Variants in SPTLC1 observed in about 807,000 individuals in gnomAD.
SPTLC1 encodes the protein serine palmitoyltransferase 1.
In SPTLC1, 55 loss-of-function variants were observed where a neutral mutation model predicts 68.9. The observed-to-expected ratio is 0.80, with a 90% CI of 0.64 to 1.00. The LOEUF (loss-of-function observed/expected upper bound fraction) is 1.00, where lower values mean the gene tolerates loss of function less well. Ranked by LOEUF, SPTLC1 falls within the 50% of genes least tolerant of loss-of-function variation. The pLI is 0.00. For missense variants in SPTLC1, 449 were observed against 573.1 expected (o/e 0.78, Z 2.21); for synonymous variants, 197 against 201.6 (o/e 0.98, Z 0.19).
intron 4 of SPTLC1, among the ~76,000 whole-genome samples, chr9:92,080,499 G>C (rs1383183269): frequency 6.6e-6 from 1 of 152,146 alleles, no homozygotes; most frequent in African/African-American, 2.4e-5. Flanking sequence ...CAGACAAAAA[G>C]TAATGGGAAA....
chr9:92,039,336 C>G (rs977785217), intron 12 of SPTLC1, among the ~76,000 whole-genome samples: 1 of 152,044 alleles, frequency 6.6e-6, no homozygotes, highest in Admixed American at 6.6e-5. Context: ...TCTTTAGGGG[C>G]CAAATCCTGT....
At chr9:92,059,458 T>C (rs1834011596) in intron 6 of SPTLC1, 150 bp from the exon 7 acceptor site, 1 of 818,630 alleles carries the variant, frequency 1.2e-6, no homozygotes, top group South Asian at 1.5e-5. Context: ...TTATACATCA[T>C]TGTTTGCTCT....
At chr9:92,040,231 G>A (rs1023376546) in intron 12 of SPTLC1, among the ~76,000 whole-genome samples, 5 of 151,906 alleles carry the variant, frequency 3.3e-5, no homozygotes, top group Non-Finnish European at 7.4e-5. Flanking sequence ...TTAGCCAGGT[G>A]TGGTGGTGGA....
chr9:92,084,544 T>C (rs1271102182), intron 3 of SPTLC1, among the ~76,000 whole-genome samples: 3 of 152,182 alleles, frequency 2.0e-5, no homozygotes, highest in Admixed American at 2.0e-4. Context: ...GGATTACATT[T>C]ATTGATTTGC....
At chr9:92,053,200 G>T (rs999020129) in intron 8 of SPTLC1, among the ~76,000 whole-genome samples, 1 of 151,564 alleles carries the variant, frequency 6.6e-6, no homozygotes, top group African/African-American at 2.4e-5. Context: ...AAACCACAGT[G>T]AGATACTACC....
At chr9:92,051,937 T>C (rs7022553) in intron 8 of SPTLC1, among the ~76,000 whole-genome samples, 13,599 of 152,122 alleles carry the variant, frequency 0.089, 1,088 homozygotes, top group East Asian at 0.27. Context: ...TCACAAAACA[T>C]TGCTGAAGGA....
intron 3 of SPTLC1, among the ~76,000 whole-genome samples, chr9:92,085,721 G>A (rs1186829313): frequency 6.6e-6 from 1 of 152,086 alleles, no homozygotes; most frequent in Non-Finnish European, 1.5e-5. Context: ...ATATTCTGTT[G>A]ATTTGGGGTG....
intron 3 of SPTLC1, among the ~76,000 whole-genome samples, chr9:92,092,558 G>A (rs1189454815): frequency 1.3e-5 from 2 of 152,044 alleles, no homozygotes; most frequent in African/African-American, 4.8e-5. Context: ...GTGAAACCCT[G>A]TCTCTATTAA....
intron 3 of SPTLC1, among the ~76,000 whole-genome samples, chr9:92,106,847 C>T (rs1162737587): frequency 6.6e-6 from 1 of 152,168 alleles, no homozygotes; most frequent in Non-Finnish European, 1.5e-5. Flanking sequence ...CCACATCTTT[C>T]TCCTTCCAGC....
chr9:92,102,971 G>C (rs928482769), intron 3 of SPTLC1, among the ~76,000 whole-genome samples: 2 of 152,190 alleles, frequency 1.3e-5, no homozygotes, highest in Non-Finnish European at 2.9e-5. Flanking sequence ...CATGTGTGGT[G>C]AATAGTTGAC....
intron 8 of SPTLC1, chr9:92,051,072 A>G: frequency 1.0e-6 from 1 of 985,106 alleles, no homozygotes; most frequent in Non-Finnish European, 1.2e-6. Context: ...CCTATAATAT[A>G]CGTCCTAGTA....
At chr9:92,114,600 T>C (rs1464667861) in intron 1 of SPTLC1, among the ~76,000 whole-genome samples, 3 of 151,932 alleles carry the variant, frequency 2.0e-5, no homozygotes, top group Non-Finnish European at 4.4e-5. Context: ...CCGGGCATGG[T>C]GGCACATGCC....
intron 3 of SPTLC1, among the ~76,000 whole-genome samples, chr9:92,089,320 G>A (rs901606540): frequency 2.6e-5 from 4 of 152,192 alleles, no homozygotes; most frequent in African/African-American, 9.7e-5. Context: ...GGCTAAAGCA[G>A]GAGAATCGCT....
Position 92,080,055 on chromosome 9 carries a change from C to T in SPTLC1, c.388G>A (p.Val130Met), listed in dbSNP as rs200773661. 3.7e-6 allele frequency: 6 copies of T among 1,614,058 alleles called. No homozygotes were observed. The highest frequency in any genetic ancestry group is 3.3e-5 in the South Asian group (3 of 91,086). Residue 130 changes from valine to methionine, a missense_variant, in exon 5 of 15, where the codon GTG becomes ATG. By Grantham distance (21) the Val-to-Met change is conservative. Coordinates refer to ENST00000262554, the MANE Select transcript of SPTLC1 (RefSeq NM_006415.4). ...AATCCTCTGGGTCCACAAGTCCCCA[C>T]GCCATACTTCTTTAGAGATGCTAAA... ...AALASLKKYG[V>M]GTCGPRGFYG...
intron 6 of SPTLC1, among the ~76,000 whole-genome samples, chr9:92,063,412 G>A (rs775428590): frequency 8.5e-5 from 13 of 152,060 alleles, no homozygotes; most frequent in Non-Finnish European, 1.9e-4. Flanking sequence ...GGCCCAGATG[G>A]TTTCATGGGA....
At chr9:92,093,279 G>A (rs987340967) in intron 3 of SPTLC1, among the ~76,000 whole-genome samples, 9 of 152,150 alleles carry the variant, frequency 5.9e-5, no homozygotes, top group Non-Finnish European at 1.5e-5. Context: ...AAACTAGATC[G>A]GAGGAAATGG....
chr9:92,079,281 G>T, intron 5 of SPTLC1: 1 of 746,548 alleles, frequency 1.3e-6, no homozygotes, highest in Non-Finnish European at 1.9e-6. Flanking sequence ...TCAGCATGTT[G>T]GCCAGGCTGG....
chr9:92,041,331 A>C (rs1476722706), intron 12 of SPTLC1, among the ~76,000 whole-genome samples: 1 of 152,228 alleles, frequency 6.6e-6, no homozygotes, highest in Non-Finnish European at 1.5e-5. Context: ...ATACGAAATA[A>C]AACCAAAAGC....
At chr9:92,042,801 T>C (rs1288841093) in intron 12 of SPTLC1, among the ~76,000 whole-genome samples, 1 of 151,530 alleles carries the variant, frequency 6.6e-6, no homozygotes, top group Non-Finnish European at 1.5e-5. Context: ...ATCAAAAGAG[T>C]CTGAGGAATG....
Sources: allele counts gnomAD v4.1 joint callset (sites outside exome capture counted in the v4.1 genomes callset), GRCh38; gene constraint gnomAD v4.1.1; transcripts MANE v1.5; gene names NCBI Gene and HGNC (gene_info 2026-07-23, HGNC 2026-07-21).